Variants in HIVEP1 observed in about 807,000 individuals in gnomAD.
HIVEP1 encodes the protein zinc finger protein 40.
HIVEP1 carries 36 observed loss-of-function variants against 180.0 expected under a neutral mutation model. The ratio of observed to expected loss-of-function variants is 0.20; its 90% CI spans 0.15 to 0.26. The LOEUF (loss-of-function observed/expected upper bound fraction) is 0.26, where lower values mean the gene tolerates loss of function less well. Ranked by LOEUF, HIVEP1 falls within the 10% of genes least tolerant of loss-of-function variation. The pLI, the probability that HIVEP1 is intolerant of heterozygous loss-of-function variation, is 1.00. For missense variants in HIVEP1, 3,143 were observed against 3,268.7 expected (o/e 0.96, Z 0.94); for synonymous variants, 1,239 against 1,239.0 (o/e 1.00, Z 0.00).
At chr6:12,009,330 G>T (rs1472686466), upstream of HIVEP1, among the ~76,000 whole-genome samples, 1 of 152,044 alleles carries the variant, frequency 6.6e-6, no homozygotes, top group East Asian at 1.9e-4. Flanking sequence ...TCTCCAAACT[G>T]TTCGCCAAGA....
chr6:12,147,791 C>T (rs1003948279), intron 7 of HIVEP1, among the ~76,000 whole-genome samples: 2 of 152,100 alleles, frequency 1.3e-5, no homozygotes, highest in African/African-American at 2.4e-5. Flanking sequence ...TGTGATATCC[C>T]GTTTTTTATG....
chr6:12,088,036 A>G (rs116957330), intron 2 of HIVEP1, among the ~76,000 whole-genome samples: 11 of 152,272 alleles, frequency 7.2e-5, no homozygotes, highest in East Asian at 1.9e-4. Flanking sequence ...TCAATATGCA[A>G]TTGAAAGACG....
At chr6:12,189,581 C>T in the HIVEP1 span, among the ~76,000 whole-genome samples, 1 of 152,052 alleles carries the variant, frequency 6.6e-6, no homozygotes, top group African/African-American at 2.4e-5. Flanking sequence ...GTACAGTATC[C>T]ATTTTCCACG....
chr6:12,167,502 TAATA>T (rs1052876396), downstream of HIVEP1, among the ~76,000 whole-genome samples: 10 of 128,752 alleles, frequency 7.8e-5, no homozygotes, highest in Non-Finnish European at 1.7e-4. Context: ...ATTTCCTACT[TAATA>T]TTCAAAATAT....
chr6:12,147,053 C>T (rs1462007923), intron 7 of HIVEP1, among the ~76,000 whole-genome samples: 5 of 152,124 alleles, frequency 3.3e-5, no homozygotes, highest in Non-Finnish European at 7.3e-5. Context: ...TGACCGAAGA[C>T]ACACAGGTTG....
chr6:12,192,653 G>T, the HIVEP1 span, among the ~76,000 whole-genome samples: 1 of 152,174 alleles, frequency 6.6e-6, no homozygotes, highest in East Asian at 1.9e-4. Flanking sequence ...GTGAAGACGC[G>T]CTTGCTTCCC....
chr6:12,108,621 C>T (rs1000750494), intron 3 of HIVEP1, among the ~76,000 whole-genome samples: 5 of 152,354 alleles, frequency 3.3e-5, no homozygotes, highest in African/African-American at 9.6e-5. Context: ...CCTCTGCAGC[C>T]GCTGGCCTGG....
chr6:12,201,054 G>A, the HIVEP1 span, among the ~76,000 whole-genome samples: 1 of 152,282 alleles, frequency 6.6e-6, no homozygotes, highest in Non-Finnish European at 1.5e-5. Context: ...GCCTAGAGCA[G>A]AGAAGGGAAG....
chr6:12,198,098 C>T, the HIVEP1 span, among the ~76,000 whole-genome samples: 1 of 152,156 alleles, frequency 6.6e-6, no homozygotes, highest in Non-Finnish European at 1.5e-5. Context: ...TAGTGAAGCA[C>T]ACAGAGGATG....
intron 7 of HIVEP1, among the ~76,000 whole-genome samples, chr6:12,160,612 A>G (rs1760334497): frequency 1.3e-5 from 2 of 152,194 alleles, no homozygotes; most frequent in African/African-American, 4.8e-5. Flanking sequence ...CAAAAAGAAA[A>G]AAACAAAAAC....
intron 2 of HIVEP1, among the ~76,000 whole-genome samples, chr6:12,031,901 C>G (rs9470793): frequency 0.15 from 22,304 of 152,078 alleles, 1,685 homozygotes; most frequent in Admixed American, 0.19. Flanking sequence ...TGAATGTGGA[C>G]CATGCTGTCC....
At chr6:12,133,845 G>A (rs1758561866) in intron 6 of HIVEP1, among the ~76,000 whole-genome samples, 1 of 152,098 alleles carries the variant, frequency 6.6e-6, no homozygotes, top group Admixed American at 6.5e-5. Flanking sequence ...TGGCGCAGTG[G>A]CAGGCGCCTG....
At chr6:12,186,997 G>A in the HIVEP1 span, among the ~76,000 whole-genome samples, 1 of 151,842 alleles carries the variant, frequency 6.6e-6, no homozygotes, top group Admixed American at 6.6e-5. Context: ...TTCACTGGAT[G>A]GGCTGAATAG....
At chr6:12,162,711 C>T (rs1197796587) in intron 8 of HIVEP1, among the ~76,000 whole-genome samples, 1 of 152,238 alleles carries the variant, frequency 6.6e-6, no homozygotes, top group African/African-American at 2.4e-5. Flanking sequence ...CCCAAAACCT[C>T]TCAGACACTT....
chr6:12,037,864 G>A (rs960733672), intron 2 of HIVEP1: 38 of 405,564 alleles, frequency 9.4e-5, no homozygotes, highest in African/African-American at 7.8e-4. Context: ...GCACATGCCA[G>A]TGTGCCTAGC....
At chr6:12,112,333 G>A (rs865900811) in intron 3 of HIVEP1, among the ~76,000 whole-genome samples, 2 of 151,628 alleles carry the variant, frequency 1.3e-5, no homozygotes, top group African/African-American at 4.8e-5. Context: ...TTTATCTTTG[G>A]TTTTCAGCAG....
At chr6:12,132,701 G>A (rs1758491982) in intron 6 of HIVEP1, among the ~76,000 whole-genome samples, 1 of 152,116 alleles carries the variant, frequency 6.6e-6, no homozygotes, top group Admixed American at 6.5e-5. Context: ...CTGTATATCT[G>A]AATTTGCATT....
intron 2 of HIVEP1, among the ~76,000 whole-genome samples, chr6:12,022,457 A>G (rs1768302253): frequency 6.6e-6 from 1 of 152,194 alleles, no homozygotes; most frequent in Non-Finnish European, 1.5e-5. Flanking sequence ...GGCATGAGCC[A>G]CCGTGCCTGG....
At position 12,115,350 on chromosome 6, in the gene HIVEP1, C is replaced by CTTTTTTTTTTTTTTT. The variant is rs34074662; in HGVS notation, c.95-4527_95-4513dup. 2.7e-4 allele frequency among the ~76,000 whole-genome samples: 20 copies of CTTTTTTTTTTTTTTT among 75,296 alleles called. 1 individual carries two copies. Among genetic ancestry groups the CTTTTTTTTTTTTTTT allele is most frequent in the Middle Eastern group, 0.013 (1 of 80 alleles). 49.4% of individuals were successfully genotyped at this position (75,296 alleles called of 152,430 possible). On this transcript the variant is annotated intron_variant, in intron 3 of 8. Coordinates refer to ENST00000379388, the MANE Select transcript of HIVEP1 (RefSeq NM_002114.4). ...CTTAACTTATACTTCCCCAACTATT[C>CTTTTTTTTTTTTTTT]TTTTTTTTTTTTTTTTTTTTTTTTT...
Sources: gnomAD v4.1 joint callset for allele counts (sites outside exome capture counted in the v4.1 genomes callset) on GRCh38, gnomAD v4.1.1 for gene constraint, MANE v1.5 for transcripts, NCBI Gene and HGNC (gene_info 2026-07-23, HGNC 2026-07-21) for gene names.